The following XPO4 variants were observed in gnomAD, a reference collection of about 807,000 sequenced individuals.
XPO4 encodes exportin-4.
Under a neutral mutation model 143.0 loss-of-function variants are expected in XPO4, and 39 were observed. The ratio of observed to expected loss-of-function variants is 0.27; its 90% CI spans 0.21 to 0.36. The LOEUF is 0.36. XPO4 is among the 10% of genes least tolerant of loss of function. The pLI is 1.00. For synonymous variants in XPO4, 439 were observed against 474.0 expected (o/e 0.93, Z 0.96); for missense variants, 907 against 1,348.0 (o/e 0.67, Z 5.12).
At position 20,866,241 on chromosome 13, in the gene XPO4, C is replaced by CCA. The variant is rs142362595; in HGVS notation, c.175+2353_175+2354dup. ...CATGCCACATGCATGCACAGATACA[C>CCA]CACACACACACACAGAAAAGAGCAA... is the stretch of plus-strand genomic sequence containing the variant. On this transcript the variant is annotated intron_variant, in intron 2 of 22. Coordinates refer to ENST00000255305, the MANE Select transcript of XPO4 (RefSeq NM_022459.5). The CCA allele has an allele frequency of 1.4e-3, 1,339 of 948,080 alleles. 10 individuals are homozygous for CCA. In the African/African-American group the frequency reaches 0.019, roughly 13 times the overall value. The allele number at this position is 948,080 out of a possible 1,614,324, so 58.7% of individuals were successfully genotyped here. A position where few individuals can be genotyped will look rare whatever the true frequency, so the allele number is the denominator to read the frequency against.
At chr13:20,899,648 T>G (rs1301997351) in intron 1 of XPO4, among the ~76,000 whole-genome samples, 2 of 152,226 alleles carry the variant, frequency 1.3e-5, no homozygotes, top group Non-Finnish European at 2.9e-5. Flanking sequence ...CCCTAAGACT[T>G]CTGTACCAAA....
At chr13:20,818,814 C>G (rs1306395332) in intron 9 of XPO4, among the ~76,000 whole-genome samples, 1 of 151,718 alleles carries the variant, frequency 6.6e-6, no homozygotes, top group Non-Finnish European at 1.5e-5. Context: ...ACGTCCCCCT[C>G]CCCCTCCCCT....
chr13:20,888,855 TG>T (rs1220519740), intron 1 of XPO4, among the ~76,000 whole-genome samples: 1 of 150,816 alleles, frequency 6.6e-6, no homozygotes, highest in Non-Finnish European at 1.5e-5. Flanking sequence ...CAAGCTGGAG[TG>T]CAATGGTGCA....
intron 9 of XPO4, among the ~76,000 whole-genome samples, chr13:20,815,546 T>C (rs1056951663): frequency 1.3e-5 from 2 of 152,184 alleles, no homozygotes; most frequent in African/African-American, 2.4e-5. Context: ...CTAAATCTCA[T>C]GCTAAGGTAG....
At chr13:20,832,739 C>T (rs914767442) in intron 6 of XPO4, among the ~76,000 whole-genome samples, 1 of 152,176 alleles carries the variant, frequency 6.6e-6, no homozygotes, top group Non-Finnish European at 1.5e-5. Flanking sequence ...TTATAGACAA[C>T]ACAGTCCAAG....
chr13:20,822,167 T>C lies in XPO4; in HGVS notation c.963A>G (p.Ala321=), dbSNP rs754234251. The C allele has an allele frequency of 3.7e-6, 6 of 1,613,966 alleles. No individual in the cohort carries two copies. In the African/African-American group the frequency reaches 4.0e-5, roughly 11 times the overall value. ...TATTCAGTAATCCCTCAATGAAGTG[T>C]GCTAGATAATCAACTTGTGATCCTT... ...PDEGSQVDYL[A]HFIEGLLNTI... Residue 321 remains alanine, a synonymous_variant, in exon 8 of 23, where the codon GCA becomes GCG. Transcript: ENST00000255305.
intron 8 of XPO4, 41 bp downstream of exon 8, chr13:20,822,091 G>C: frequency 6.4e-7 from 1 of 1,562,468 alleles, no homozygotes; most frequent in Admixed American, 2.0e-5. Flanking sequence ...AACACAAAAC[G>C]TAGAGCTCCT....
chr13:20,842,676 C>T (rs576193749), intron 6 of XPO4, among the ~76,000 whole-genome samples: 1 of 152,316 alleles, frequency 6.6e-6, no homozygotes, highest in East Asian at 1.9e-4. Context: ...TGTATTCAAA[C>T]TTCTTCTACA....
chr13:20,884,756 A>C (rs1206658945), intron 1 of XPO4, among the ~76,000 whole-genome samples: 1 of 151,876 alleles, frequency 6.6e-6, no homozygotes, highest in Non-Finnish European at 1.5e-5. Flanking sequence ...AGGTTAAGGC[A>C]GGAGGATCAC....
At chr13:20,866,262 A>G in intron 2 of XPO4, 3 of 984,902 alleles carry the variant, frequency 3.0e-6, no homozygotes, top group Non-Finnish European at 3.6e-6. Context: ...CACAGAAAAG[A>G]GCAAAGAAAA....
chr13:20,827,600 T>C (rs999439904), intron 6 of XPO4, among the ~76,000 whole-genome samples: 14 of 152,174 alleles, frequency 9.2e-5, no homozygotes, highest in African/African-American at 3.1e-4. Flanking sequence ...GAGTTTCATA[T>C]AGTCTACTTG....
rs2059157663 is a variant in XPO4, at chr13:20,782,911, C to CA, written c.*810dup. ...TATTTTCCTCCTCAAGTTCAGGCATCAGAGTATGATTAGTGACTTGTATTA... is the reference window on the plus strand; with the variant it reads ...TATTTTCCTCCTCAAGTTCAGGCATCAAGAGTATGATTAGTGACTTGTATTA... On this transcript the variant is annotated 3_prime_UTR_variant, in exon 23 of 23. Coordinates refer to ENST00000255305, the MANE Select transcript of XPO4 (RefSeq NM_022459.5). 6.6e-6 allele frequency: 1 copy of CA among 152,496 alleles called. No individual in the cohort carries two copies. Among genetic ancestry groups the CA allele is most frequent in the Non-Finnish European group, 1.5e-5 (1 of 68,028 alleles). 9.4% of individuals were successfully genotyped at this position (152,496 alleles called of 1,614,324 possible).
intron 20 of XPO4, among the ~76,000 whole-genome samples, chr13:20,787,810 G>A (rs1163098048): frequency 6.6e-6 from 1 of 152,166 alleles, no homozygotes; most frequent in Non-Finnish European, 1.5e-5. Flanking sequence ...GTTTGAGCCT[G>A]GTGATGTATA....
In XPO4 at chr13:20,809,806, A is replaced by G. The variant is rs752332330; in HGVS notation, c.1335T>C (p.Asp445=). The G allele has an allele frequency of 1.9e-6, 3 of 1,609,598 alleles. No homozygotes were observed. Among genetic ancestry groups the G allele is most frequent in the Admixed American group, 1.7e-5 (1 of 58,864 alleles). The change falls in exon 10 of 23, where the codon GAT becomes GAC. Residue 445 remains aspartate (D), a synonymous_variant. Transcript: ENST00000255305. ...SYIQCHLAAP[D]GTRNLTANGV... is the part of the protein sequence containing the mutation. ...TAAAACTCACCAAATTTCTTGTGCC[A>G]TCTGGAGCAGCTAGGTGGCACTGAA... is the stretch of plus-strand genomic sequence containing the variant.
chr13:20,814,129 A>G (rs539644143), intron 9 of XPO4, among the ~76,000 whole-genome samples: 57 of 151,982 alleles, frequency 3.8e-4, no homozygotes, highest in Non-Finnish European at 7.1e-4. Context: ...TGCCAAAATA[A>G]ACAGACTGGT....
chr13:20,822,494 A>T (rs569012953), intron 7 of XPO4, among the ~76,000 whole-genome samples: 4 of 152,350 alleles, frequency 2.6e-5, no homozygotes, highest in Admixed American at 2.6e-4. Flanking sequence ...ATTGATTTTT[A>T]ACTGAGGGCT....
intron 3 of XPO4, among the ~76,000 whole-genome samples, chr13:20,860,601 T>G (rs1330569271): frequency 6.6e-6 from 1 of 152,222 alleles, no homozygotes; most frequent in African/African-American, 2.4e-5. Context: ...TCACCTGTAC[T>G]TACCTTTCTT....
intron 2 of XPO4, chr13:20,863,143 T>TA (rs2060216400): frequency 1.6e-5 from 17 of 1,044,674 alleles, no homozygotes; most frequent in East Asian, 6.7e-5. Context: ...AACACAGCTT[T>TA]AAAAAAAATA....
At chr13:20,837,683 C>T (rs772234052) in intron 6 of XPO4, among the ~76,000 whole-genome samples, 1 of 152,134 alleles carries the variant, frequency 6.6e-6, no homozygotes, top group Admixed American at 6.5e-5. Flanking sequence ...TACAGTTCCA[C>T]GTGGCTGGGG....
Sources: gnomAD v4.1 joint callset for allele counts (sites outside exome capture counted in the v4.1 genomes callset) on GRCh38, gnomAD v4.1.1 for gene constraint, MANE v1.5 for transcripts, NCBI Gene and HGNC (gene_info 2026-07-23, HGNC 2026-07-21) for gene names.